The following AGBL1 variants were observed in gnomAD, a reference collection of about 807,000 sequenced individuals.
AGBL1 encodes the protein AGBL carboxypeptidase 1.
Under a neutral mutation model 118.9 loss-of-function variants are expected in AGBL1, and 130 were observed. The ratio of observed to expected loss-of-function variants is 1.09; its 90% CI spans 0.95 to 1.26. The LOEUF is 1.26. Ranked by LOEUF, AGBL1 falls within the 50% of genes most tolerant of loss-of-function variation. The pLI is 0.00. For missense variants in AGBL1, 1,584 were observed against 1,298.1 expected, an observed-to-expected ratio of 1.22 and a Z score of -3.38; for synonymous variants, 555 against 478.9, an observed-to-expected ratio of 1.16 and a Z score of -2.08.
chr15:86,710,482 C>T (rs961449303), intron 22 of AGBL1, among the ~76,000 whole-genome samples: 1 of 152,122 alleles, frequency 6.6e-6, no homozygotes, highest in Non-Finnish European at 1.5e-5. Context: ...AGGCTCTGCT[C>T]AGCATTACAT....
At chr15:86,171,705 T>A (rs1220461443) in intron 5 of AGBL1, among the ~76,000 whole-genome samples, 1 of 152,170 alleles carries the variant, frequency 6.6e-6, no homozygotes, top group Non-Finnish European at 1.5e-5. Context: ...TAAGGGCAAA[T>A]ATATAATCAT....
At chr15:86,082,994 T>G (rs1895388469) in intron 1 of AGBL1, among the ~76,000 whole-genome samples, 1 of 152,236 alleles carries the variant, frequency 6.6e-6, no homozygotes, top group Non-Finnish European at 1.5e-5. Flanking sequence ...AACAAGGGCC[T>G]TAAAAATACG....
intron 21 of AGBL1, among the ~76,000 whole-genome samples, chr15:86,576,657 C>T (rs2084096393): frequency 6.6e-6 from 1 of 152,266 alleles, no homozygotes; most frequent in Middle Eastern, 3.4e-3. Flanking sequence ...GTGTCCTCAC[C>T]CAAATCTCAC....
At chr15:86,542,667 C>T (rs778254429) in intron 19 of AGBL1, among the ~76,000 whole-genome samples, 2 of 152,042 alleles carry the variant, frequency 1.3e-5, no homozygotes, top group Non-Finnish European at 2.9e-5. Context: ...CTGCGCCTGG[C>T]GAGATGGGGT....
chr15:86,211,974 C>G (rs1457081079), intron 5 of AGBL1, among the ~76,000 whole-genome samples: 3 of 152,158 alleles, frequency 2.0e-5, no homozygotes, highest in Admixed American at 2.0e-4. Flanking sequence ...CATCTTGGAA[C>G]AGAATCCTGT....
Position 86,816,217 on chromosome 15 carries a change from A to G in AGBL1, c.3159-90870A>G, listed in dbSNP as rs2078856306. Among the ~76,000 whole-genome samples the G allele has an allele frequency of 1.3e-5, 2 of 152,196 alleles. 1 individual carries two copies. The highest frequency in any genetic ancestry group is 4.1e-4 in the South Asian group (2 of 4,834). ...GGACAAAATGTATAGTAGCAAATAGAATGGCGAGGTCTTATTCACAAAGGT... is the reference window on the plus strand; with the variant it reads ...GGACAAAATGTATAGTAGCAAATAGGATGGCGAGGTCTTATTCACAAAGGT... On this transcript the variant is annotated intron_variant, in intron 22 of 22. Transcript: ENST00000614907.
intron 23 of AGBL1, among the ~76,000 whole-genome samples, chr15:86,964,413 T>C (rs1215800574): frequency 6.6e-6 from 1 of 151,872 alleles, no homozygotes; most frequent in Non-Finnish European, 1.5e-5. Flanking sequence ...CTACCCCCAC[T>C]GTGATAACAA....
intron 5 of AGBL1, among the ~76,000 whole-genome samples, chr15:86,199,624 G>T (rs746391817): frequency 4.6e-5 from 7 of 152,182 alleles, no homozygotes; most frequent in Non-Finnish European, 8.8e-5. Context: ...TACGGAAATT[G>T]TGACATTACT....
intron 23 of AGBL1, among the ~76,000 whole-genome samples, chr15:86,956,239 A>AGATAGAT (rs1025628959): frequency 1.3e-5 from 2 of 151,970 alleles, no homozygotes; most frequent in African/African-American, 4.8e-5. Context: ...ATAGATAGAT[A>AGATAGAT]GATAGATAGA....
intron 21 of AGBL1, among the ~76,000 whole-genome samples, chr15:86,575,724 G>T (rs1176149064): frequency 6.6e-6 from 1 of 151,540 alleles, no homozygotes; most frequent in Non-Finnish European, 1.5e-5. Flanking sequence ...TAAGCGACTG[G>T]GCCTACAGGT....
At chr15:86,280,630 G>A (rs2079337057) in intron 16 of AGBL1, among the ~76,000 whole-genome samples, 2 of 152,200 alleles carry the variant, frequency 1.3e-5, no homozygotes, top group African/African-American at 2.4e-5. Context: ...AATCATATGT[G>A]TGTATATGGG....
intron 5 of AGBL1, among the ~76,000 whole-genome samples, chr15:86,176,988 G>T (rs1286746676): frequency 1.3e-5 from 2 of 152,086 alleles, no homozygotes; most frequent in African/African-American, 4.8e-5. Flanking sequence ...CTCCTTCCAT[G>T]CCTCAGAGAT....
intron 17 of AGBL1, among the ~76,000 whole-genome samples, chr15:86,395,999 C>T (rs62012293): frequency 5.3e-5 from 8 of 151,522 alleles, no homozygotes; most frequent in Middle Eastern, 3.4e-3. Context: ...TTTGTCTTTC[C>T]GTGTGTGTCT....
At chr15:86,274,327 G>A (rs2079210155) in intron 15 of AGBL1, among the ~76,000 whole-genome samples, 1 of 152,082 alleles carries the variant, frequency 6.6e-6, no homozygotes, top group Non-Finnish European at 1.5e-5. Context: ...TAACAAAAAT[G>A]AGAATTACCG....
intron 18 of AGBL1, among the ~76,000 whole-genome samples, chr15:86,419,171 G>A (rs2081747787): frequency 6.6e-6 from 1 of 151,970 alleles, no homozygotes; most frequent in Non-Finnish European, 1.5e-5. Context: ...TGGCTGGCAA[G>A]ATGGCTGAAT....
intron 22 of AGBL1, among the ~76,000 whole-genome samples, chr15:86,844,394 A>G (rs993636241): frequency 6.6e-6 from 1 of 152,136 alleles, no homozygotes; most frequent in Non-Finnish European, 1.5e-5. Context: ...TATCTTTACT[A>G]TAGCTATTCT....
At chr15:86,632,029 A>T (rs376635070) in intron 21 of AGBL1, among the ~76,000 whole-genome samples, 3 of 146,012 alleles carry the variant, frequency 2.1e-5, no homozygotes, top group Admixed American at 6.8e-5. Flanking sequence ...TATTTCCACA[A>T]TTTTTTTTTT....
At chr15:86,147,585 A>C (rs2077050008) in intron 3 of AGBL1, among the ~76,000 whole-genome samples, 2 of 152,198 alleles carry the variant, frequency 1.3e-5, no homozygotes, top group South Asian at 2.1e-4. Flanking sequence ...CTGAGGCCTG[A>C]CTAGGTAAAC....
intron 18 of AGBL1, among the ~76,000 whole-genome samples, chr15:86,439,802 C>G (rs2082039725): frequency 6.6e-6 from 1 of 152,170 alleles, no homozygotes. Context: ...GCTGCTGTCC[C>G]TCAGGCCTCA....
Sources: allele counts gnomAD v4.1 joint callset (sites outside exome capture counted in the v4.1 genomes callset), GRCh38; gene constraint gnomAD v4.1.1; transcripts MANE v1.5; gene names NCBI Gene and HGNC (gene_info 2026-07-23, HGNC 2026-07-21).